The following COBL variants were observed in gnomAD, a reference collection of about 807,000 sequenced individuals.
COBL encodes cordon-bleu WH2 repeat protein, also known as protein cordon-bleu.
In COBL, 51 loss-of-function variants were observed where a neutral mutation model predicts 98.8. The observed-to-expected ratio is 0.52, with a 90% CI of 0.41 to 0.65. The LOEUF is 0.65. COBL is among the 30% of genes least tolerant of loss of function. The probability of loss-of-function intolerance (pLI) is 0.00; values close to 1 mark genes in which losing one functional copy is unlikely to be tolerated. For synonymous variants in COBL, 634 were observed against 651.7 expected (o/e 0.97, Z 0.41); for missense variants, 1,617 against 1,617.5 (o/e 1.00, Z 0.01).
intron 1 of COBL, among the ~76,000 whole-genome samples, chr7:51,315,407 C>T (rs2129225598): frequency 6.6e-6 from 1 of 152,328 alleles, no homozygotes; most frequent in Middle Eastern, 3.4e-3. Context: ...AAGTCTTTTA[C>T]ACACTTGGGC....
chr7:51,201,647 CAGA>C (rs1277387397), intron 2 of COBL, among the ~76,000 whole-genome samples: 2 of 152,090 alleles, frequency 1.3e-5, no homozygotes, highest in Non-Finnish European at 2.9e-5. Flanking sequence ...CATCTAATAT[CAGA>C]AGAATACAGA....
At chr7:51,180,375 G>A (rs947941336) in intron 5 of COBL, among the ~76,000 whole-genome samples, 4 of 152,238 alleles carry the variant, frequency 2.6e-5, no homozygotes, top group Non-Finnish European at 2.9e-5. Flanking sequence ...TTGAGATCTC[G>A]AGAAGAAAGA....
chr7:51,304,182 C>T (rs1802251060), intron 1 of COBL, among the ~76,000 whole-genome samples: 1 of 152,116 alleles, frequency 6.6e-6, no homozygotes, highest in African/African-American at 2.4e-5. Context: ...ATCGTGGTCT[C>T]GCCCTCACAA....
At chr7:51,299,259 G>T (rs551852759) in intron 1 of COBL, among the ~76,000 whole-genome samples, 4 of 152,192 alleles carry the variant, frequency 2.6e-5, no homozygotes, top group African/African-American at 4.8e-5. Context: ...CACACACAGC[G>T]GTGTCCACTG....
intron 5 of COBL, among the ~76,000 whole-genome samples, chr7:51,173,563 T>C (rs769193182): frequency 1.2e-4 from 18 of 152,204 alleles, no homozygotes; most frequent in Non-Finnish European, 1.8e-4. Flanking sequence ...TCACTCCATA[T>C]GATCCAGAAA....
At chr7:51,026,422 A>G in intron 11 of COBL, 124 bp downstream of exon 11, 1 of 1,337,738 alleles carries the variant, frequency 7.5e-7, no homozygotes, top group Non-Finnish European at 1.0e-6. Flanking sequence ...GGCCACTCTA[A>G]AGACAGATGG....
At chr7:51,299,115 A>G (rs917137126) in intron 1 of COBL, among the ~76,000 whole-genome samples, 1 of 152,190 alleles carries the variant, frequency 6.6e-6, no homozygotes, top group African/African-American at 2.4e-5. Flanking sequence ...CAGGCTGCAC[A>G]GCACACCTCC....
At chr7:51,300,461 G>A (rs1312861061) in intron 1 of COBL, among the ~76,000 whole-genome samples, 5 of 152,068 alleles carry the variant, frequency 3.3e-5, no homozygotes, top group South Asian at 2.1e-4. Flanking sequence ...ATACCTGGCC[G>A]AAACAGAGGT....
chr7:51,270,972 T>A (rs1027818053), intron 1 of COBL, among the ~76,000 whole-genome samples: 11 of 152,182 alleles, frequency 7.2e-5, no homozygotes, highest in Admixed American at 3.9e-4. Flanking sequence ...GGTCATGAGC[T>A]AAGGAGTGTG....
intron 5 of COBL, among the ~76,000 whole-genome samples, chr7:51,154,778 G>C (rs1394444458): frequency 6.6e-6 from 1 of 152,184 alleles, no homozygotes; most frequent in Non-Finnish European, 1.5e-5. Flanking sequence ...TCAAAATTGA[G>C]AGTTCTGGGC....
At chr7:51,041,068 G>A (rs1789139146) in intron 8 of COBL, among the ~76,000 whole-genome samples, 1 of 152,168 alleles carries the variant, frequency 6.6e-6, no homozygotes, top group Non-Finnish European at 1.5e-5. Flanking sequence ...ATGACTAAAA[G>A]GAAAAATGCC....
Position 51,043,507 on chromosome 7 carries a change from A to G in COBL, c.1282T>C (p.Tyr428His), listed in dbSNP as rs769549936. The G allele has an allele frequency of 1.2e-6, 2 of 1,614,086 alleles. No individual in the cohort carries two copies. Among genetic ancestry groups the G allele is most frequent in the African/African-American group, 1.3e-5 (1 of 75,008 alleles). The change falls in exon 8 of 13, where the codon TAC (tyrosine) becomes CAC (histidine). Residue 428 changes from tyrosine to histidine, a missense_variant. Transcript: ENST00000265136. ...TGGTCTGTGGCCCACTTGTCTTTGT[A>G]TTTCATGCTGTCCTGCTGCGAGTCC... ...SLDSQQDSMK[Y>H]KDKWATDQED...
intron 1 of COBL, among the ~76,000 whole-genome samples, chr7:51,315,925 G>C (rs781305783): frequency 1.3e-5 from 2 of 151,958 alleles, no homozygotes; most frequent in African/African-American, 4.9e-5. Flanking sequence ...TCGCGGGTCC[G>C]CTACGGATGT....
At chr7:51,183,251 T>A (rs751518724) in intron 5 of COBL, among the ~76,000 whole-genome samples, 1 of 152,210 alleles carries the variant, frequency 6.6e-6, no homozygotes, top group Non-Finnish European at 1.5e-5. Context: ...TGTAGAAATA[T>A]ACAGATGGAG....
At chr7:51,292,589 T>C (rs568941916) in intron 1 of COBL, among the ~76,000 whole-genome samples, 40 of 152,388 alleles carry the variant, frequency 2.6e-4, no homozygotes, top group Admixed American at 6.5e-5. Context: ...CATTTCTAGG[T>C]AGCTGTTCTC....
chr7:51,198,551 A>G (rs1790806688), intron 2 of COBL, among the ~76,000 whole-genome samples: 1 of 152,170 alleles, frequency 6.6e-6, no homozygotes, highest in Non-Finnish European at 1.5e-5. Context: ...ACATTTTCCT[A>G]GCAGAATGTT....
chr7:51,081,007 A>C (rs1396822194), intron 7 of COBL, among the ~76,000 whole-genome samples: 2 of 152,188 alleles, frequency 1.3e-5, no homozygotes, highest in Admixed American at 6.5e-5. Flanking sequence ...GCCATAAACA[A>C]TGGGCAGGCT....
intron 1 of COBL, among the ~76,000 whole-genome samples, chr7:51,225,568 A>G (rs1484856198): frequency 6.6e-6 from 1 of 152,210 alleles, no homozygotes; most frequent in Non-Finnish European, 1.5e-5. Context: ...CCTTTGATCT[A>G]TTCAGGTTGA....
At chr7:51,257,315 T>G (rs1156616939) in intron 1 of COBL, among the ~76,000 whole-genome samples, 1 of 152,146 alleles carries the variant, frequency 6.6e-6, no homozygotes, top group Non-Finnish European at 1.5e-5. Flanking sequence ...ACACCAAGAC[T>G]CCACTCAGTA....
Sources: allele counts gnomAD v4.1 joint callset (sites outside exome capture counted in the v4.1 genomes callset), GRCh38; gene constraint gnomAD v4.1.1; transcripts MANE v1.5; gene names NCBI Gene and HGNC (gene_info 2026-07-23, HGNC 2026-07-21).